WFDC3: variants seen among roughly 807,000 people sequenced by gnomAD.
WFDC3 encodes WAP four-disulfide core domain protein 3.
A neutral mutation model predicts 25.8 loss-of-function variants in WFDC3; 15 were observed. The ratio of observed to expected loss-of-function variants is 0.58; its 90% CI spans 0.39 to 0.89. The LOEUF is 0.89. Among genes scored for constraint, WFDC3 ranks in the 40% least tolerant of loss-of-function variants. WFDC3 has a pLI of 0.00. For missense variants in WFDC3, 264 were observed against 289.8 expected (o/e 0.91, Z 0.65); for synonymous variants, 103 against 107.1 (o/e 0.96, Z 0.24).
intron 4 of WFDC3, chr20:45,778,735 G>A (rs545273998): frequency 7.2e-5 from 11 of 152,106 alleles, no homozygotes; most frequent in East Asian, 1.9e-4. Context: ...CACTCCCCTC[G>A]ACAAGGATGG....
At chr20:45,790,551 C>T (rs1264666659) in intron 1 of WFDC3, among the ~76,000 whole-genome samples, 1 of 152,132 alleles carries the variant, frequency 6.6e-6, no homozygotes, top group African/African-American at 2.4e-5. Flanking sequence ...ATGGCGAAAC[C>T]CTGTCTCTAC....
intron 2 of WFDC3, 39 bp downstream of exon 2, chr20:45,789,851 ACTTT>A (rs1980867150): frequency 1.9e-6 from 3 of 1,573,348 alleles, no homozygotes; most frequent in Non-Finnish European, 2.6e-6. Flanking sequence ...TCCTCTAGTC[ACTTT>A]CTGTTACTGT....
intron 1 of WFDC3, among the ~76,000 whole-genome samples, chr20:45,791,579 G>A (rs1020354646): frequency 2.0e-5 from 3 of 152,130 alleles, no homozygotes; most frequent in African/African-American, 7.2e-5. Flanking sequence ...TTACAGGCGT[G>A]AGCCACCGCC....
chr20:45,777,878 G>T (rs1006739728), intron 4 of WFDC3, among the ~76,000 whole-genome samples: 1 of 140,780 alleles, frequency 7.1e-6, no homozygotes, highest in Non-Finnish European at 1.5e-5. Flanking sequence ...TTGCTTTCAG[G>T]ACTCACAGTT....
At chr20:45,776,159 A>G (rs966661283) in intron 5 of WFDC3, among the ~76,000 whole-genome samples, 1 of 152,190 alleles carries the variant, frequency 6.6e-6, no homozygotes, top group Non-Finnish European at 1.5e-5. Flanking sequence ...TAAAGGGACT[A>G]AGATAGCACA....
At chr20:45,790,078 C>A in intron 1 of WFDC3, 96 bp from the exon 2 acceptor site, 1 of 862,980 alleles carries the variant, frequency 1.2e-6, no homozygotes, top group Non-Finnish European at 1.9e-6. Flanking sequence ...TGGCCCCAAA[C>A]CCAGTCCCAA....
chr20:45,789,522 T>G (rs1372087255), intron 2 of WFDC3, among the ~76,000 whole-genome samples: 2 of 123,856 alleles, frequency 1.6e-5, no homozygotes, highest in Non-Finnish European at 3.5e-5. Context: ...AAAAAAAAAA[T>G]TCTGCAACCA....
chr20:45,789,941 A>C lies in WFDC3; in HGVS notation c.35T>G (p.Leu12Arg). 2 of 1,614,182 alleles carry C rather than the reference A, an allele frequency of 1.2e-6. No individual in the cohort carries two copies. The highest frequency in any genetic ancestry group is 8.5e-7 in the Non-Finnish European group (1 of 1,180,026). ...MLSCLFLLKA[L>R]LALGSLESWI... is the part of the protein sequence containing the mutation. ...GGATTCCAGAGACCCAAGAGCAAGA[A>C]GTGCCTTCAGAAGAAAGAGGCAGCT... The change falls in exon 2 of 7, where the codon CTT becomes CGT. Residue 12 changes from leucine to arginine, a missense_variant. By Grantham distance (102) the Leu-to-Arg change is moderately radical. Coordinates refer to ENST00000243938, the MANE Select transcript of WFDC3 (RefSeq NM_080614.2).
chr20:45,781,775 A>G (rs1169837357), intron 4 of WFDC3, among the ~76,000 whole-genome samples: 2 of 152,148 alleles, frequency 1.3e-5, no homozygotes, highest in African/African-American at 2.4e-5. Flanking sequence ...TTCAGCCTAA[A>G]CCACAATGTT....
chr20:45,777,829 T>C (rs1980267165), intron 4 of WFDC3, among the ~76,000 whole-genome samples: 1 of 91,470 alleles, frequency 1.1e-5, no homozygotes. Context: ...CCCACCCTGA[T>C]ATTTTATATT....
rs1215945412 is a variant in WFDC3, at chr20:45,789,039, G to C, written c.103C>G (p.Pro35Ala). 1 of 1,612,682 alleles carries C rather than the reference G, an allele frequency of 6.2e-7. No individual in the cohort carries two copies. Among genetic ancestry groups the C allele is most frequent in the Non-Finnish European group, 8.5e-7 (1 of 1,179,680 alleles). Residue 35 changes from proline to alanine, a missense_variant, in exon 3 of 7, where the codon CCC (proline) becomes GCC (alanine). Physicochemically the swap from Pro to Ala is conservative, Grantham distance 27. Coordinates refer to ENST00000243938, the MANE Select transcript of WFDC3 (RefSeq NM_080614.2). Reference sequence around the variant, plus strand: ...AGCTCTTTGCATGGGTTCTTATGGGGAGGGCATTCTCCCTCTTTTGCTGCA... The same window carrying C: ...AGCTCTTTGCATGGGTTCTTATGGGCAGGGCATTCTCCCTCTTTTGCTGCA... The part of the protein sequence containing the change: ...GEHAKEGECP[P>A]HKNPCKELCQ...
At chr20:45,781,725 C>T (rs558085874) in intron 4 of WFDC3, among the ~76,000 whole-genome samples, 55 of 152,186 alleles carry the variant, frequency 3.6e-4, no homozygotes, top group Non-Finnish European at 7.2e-4. Flanking sequence ...CTCTGCCTAG[C>T]ACGTACCAAG....
chr20:45,782,781 C>G (rs748340729), intron 4 of WFDC3, among the ~76,000 whole-genome samples: 1 of 152,220 alleles, frequency 6.6e-6, no homozygotes, highest in Admixed American at 6.5e-5. Context: ...ATCTTCTACA[C>G]TTGCCCCCAT....
chr20:45,777,343 T>C (rs922286091), intron 4 of WFDC3, 134 bp from the exon 5 acceptor site: 4 of 1,025,368 alleles, frequency 3.9e-6, no homozygotes, highest in Non-Finnish European at 4.9e-6. Context: ...GTGTATCATG[T>C]ATCTGCAATA....
chr20:45,781,112 G>T (rs1045754148), intron 4 of WFDC3, among the ~76,000 whole-genome samples: 1 of 151,630 alleles, frequency 6.6e-6, no homozygotes, highest in African/African-American at 2.4e-5. Flanking sequence ...AGCCGGGTGT[G>T]GTGATGGGTG....
chr20:45,775,407 C>T lies in WFDC3; in HGVS notation c.679+10G>A. On this transcript the variant is annotated intron_variant, in intron 6 of 6. Transcript: ENST00000243938. ...GTCTGTTATTGTTGATGACAATGGA[C>T]TGTACTCACCTAATTCGGAATCAGA... 6.2e-7 allele frequency: 1 copy of T among 1,613,228 alleles called. No individual in the cohort carries two copies. The highest frequency in any genetic ancestry group is 1.1e-5 in the South Asian group (1 of 90,946).
At position 45,788,077 on chromosome 20, in the gene WFDC3, G is replaced by A. The variant is rs1980771047; in HGVS notation, c.212-95C>T. 5.8e-6 allele frequency: 8 copies of A among 1,375,206 alleles called. No individual in the cohort carries two copies. The Admixed American group carries it at 2.0e-4, about 35-fold the overall frequency. 85.2% of individuals were successfully genotyped at this position (1,375,206 alleles called of 1,614,324 possible). A position where few individuals can be genotyped will look rare whatever the true frequency, so the allele number is the denominator to read the frequency against. ...CCAGCACTTTGGGAGGCCAAGGCGG[G>A]TGGATCACCTGAGGTAGGGAGTTCG... On this transcript the variant is annotated intron_variant, in intron 3 of 6. Coordinates refer to ENST00000243938, the MANE Select transcript of WFDC3 (RefSeq NM_080614.2).
chr20:45,781,937 T>C (rs1326221608), intron 4 of WFDC3, among the ~76,000 whole-genome samples: 1 of 152,204 alleles, frequency 6.6e-6, no homozygotes, highest in Non-Finnish European at 1.5e-5. Context: ...TGTTAACTCT[T>C]TTCTGTACAA....
chr20:45,790,162 T>C, intron 1 of WFDC3, 180 bp from the exon 2 acceptor site: 1 of 525,766 alleles, frequency 1.9e-6, no homozygotes, highest in African/African-American at 1.9e-5. Flanking sequence ...TGCTGGAGTG[T>C]GGGAAAATTC....
Sources: allele counts gnomAD v4.1 joint callset (sites outside exome capture counted in the v4.1 genomes callset), GRCh38; gene constraint gnomAD v4.1.1; transcripts MANE v1.5; gene names NCBI Gene and HGNC (gene_info 2026-07-23, HGNC 2026-07-21).